The following SATB2 variants were observed in gnomAD, a reference collection of about 807,000 sequenced individuals.
SATB2 encodes SATB homeobox 2, also known as DNA-binding protein SATB2.
In SATB2, 1 loss-of-function variant was observed where a neutral mutation model predicts 73.4. The ratio of observed to expected loss-of-function variants is 0.01; its 90% CI spans 0.00 to 0.06. The LOEUF (loss-of-function observed/expected upper bound fraction) is 0.06. SATB2 is among the 10% of genes least tolerant of loss of function. SATB2 has a pLI of 1.00. For missense variants in SATB2, 459 were observed against 945.8 expected (o/e 0.49, Z 6.75); for synonymous variants, 397 against 367.0 (o/e 1.08, Z -0.93).
chr2:199,430,791 A>C (rs1408250634), intron 3 of SATB2, among the ~76,000 whole-genome samples: 1 of 152,204 alleles, frequency 6.6e-6, no homozygotes, highest in African/African-American at 2.4e-5. Flanking sequence ...TTGGGACTTG[A>C]GGACTATTCC....
chr2:199,321,356 G>GATAT (rs1436851283), intron 9 of SATB2, among the ~76,000 whole-genome samples: 155 of 148,762 alleles, frequency 1.0e-3, no homozygotes, highest in African/African-American at 3.3e-3. Flanking sequence ...TCTATGTATA[G>GATAT]ATATATATGT....
At chr2:199,395,905 C>G (rs370843718) in intron 3 of SATB2, 1 of 152,188 alleles carries the variant, frequency 6.6e-6, no homozygotes, top group Non-Finnish European at 1.5e-5. Flanking sequence ...AAAAGACTTT[C>G]GTATGTATTT....
chr2:199,352,984 G>A (rs1199129849), intron 6 of SATB2, among the ~76,000 whole-genome samples: 4 of 151,560 alleles, frequency 2.6e-5, no homozygotes, highest in African/African-American at 9.7e-5. Context: ...GCTCCTAACA[G>A]TTCTACCAGT....
chr2:199,288,811 T>C (rs2105738288), intron 10 of SATB2, among the ~76,000 whole-genome samples: 1 of 152,154 alleles, frequency 6.6e-6, no homozygotes, highest in South Asian at 2.1e-4. Context: ...CATATTATAG[T>C]TTATTATACC....
chr2:199,299,557 C>T (rs1004624038), intron 10 of SATB2, among the ~76,000 whole-genome samples: 1 of 151,982 alleles, frequency 6.6e-6, no homozygotes, highest in Non-Finnish European at 1.5e-5. Flanking sequence ...TGCAAGGTAG[C>T]CAGAGGGAAA....
intron 7 of SATB2, among the ~76,000 whole-genome samples, chr2:199,337,113 A>C (rs1226063529): frequency 6.6e-6 from 1 of 152,170 alleles, no homozygotes; most frequent in East Asian, 1.9e-4. Flanking sequence ...TATTCAAGAC[A>C]CTCTAGTTAT....
intron 10 of SATB2, among the ~76,000 whole-genome samples, chr2:199,306,296 T>C (rs1687430443): frequency 6.6e-6 from 1 of 152,180 alleles, no homozygotes; most frequent in Admixed American, 6.6e-5. Flanking sequence ...CAGCTTTGTA[T>C]TTTGCTGACA....
chr2:199,276,499 C>G (rs1692316341), intron 10 of SATB2, among the ~76,000 whole-genome samples: 1 of 152,102 alleles, frequency 6.6e-6, no homozygotes, highest in African/African-American at 2.4e-5. Context: ...ATGGAGAGAC[C>G]TATAAGCGGT....
At chr2:199,410,894 TATAAAA>T (rs1229927417) in intron 3 of SATB2, among the ~76,000 whole-genome samples, 26 of 152,204 alleles carry the variant, frequency 1.7e-4, no homozygotes, top group African/African-American at 3.9e-4. Context: ...CCTTTGTAAA[TATAAAA>T]ATAAAGTTTT....
intron 10 of SATB2, among the ~76,000 whole-genome samples, chr2:199,304,651 C>T (rs1341189068): frequency 6.6e-6 from 1 of 152,172 alleles, no homozygotes; most frequent in African/African-American, 2.4e-5. Context: ...TGGGGCAATG[C>T]TGGTCCAACT....
intron 3 of SATB2, among the ~76,000 whole-genome samples, chr2:199,407,921 A>C (rs1690684237): frequency 6.6e-6 from 1 of 152,218 alleles, no homozygotes; most frequent in Non-Finnish European, 1.5e-5. Context: ...ATTTTCACTC[A>C]AAGTTCAAAA....
chr2:199,329,256 C>T, intron 7 of SATB2: 1 of 302,292 alleles, frequency 3.3e-6, no homozygotes, highest in South Asian at 3.9e-5. Context: ...AGAACTCTCT[C>T]TGCTTGAAAC....
intron 10 of SATB2, among the ~76,000 whole-genome samples, chr2:199,277,195 G>A (rs1692341369): frequency 6.6e-6 from 1 of 152,194 alleles, no homozygotes. Context: ...CTGAGTGGAA[G>A]CGGGTGGAAG....
chr2:199,350,344 TAA>T (rs35456542), intron 6 of SATB2, among the ~76,000 whole-genome samples: 3 of 137,870 alleles, frequency 2.2e-5, no homozygotes, highest in Admixed American at 1.5e-4. Context: ...CATGGTTTTA[TAA>T]AAAAAAAAAA....
chr2:199,363,764 T>C (rs1689205485), intron 6 of SATB2, among the ~76,000 whole-genome samples: 1 of 152,194 alleles, frequency 6.6e-6, no homozygotes, highest in Admixed American at 6.5e-5. Context: ...CTATAATTTG[T>C]CAGTATAAAA....
rs1421049403 is a variant in SATB2, at chr2:199,271,404, G to A, written c.*807C>T. ...GTCATTTTATTGAGTCATTTTAAGTGTGCATTGTGTCTTTAAGATTTATTT... is the reference window on the plus strand; with the variant it reads ...GTCATTTTATTGAGTCATTTTAAGTATGCATTGTGTCTTTAAGATTTATTT... On this transcript the variant is annotated 3_prime_UTR_variant, in exon 11 of 11. Coordinates refer to ENST00000417098, the MANE Select transcript of SATB2 (RefSeq NM_001172509.2). The A allele has an allele frequency of 6.6e-6, 1 of 151,832 alleles. No homozygotes were observed. Among genetic ancestry groups the A allele is most frequent in the Admixed American group, 6.6e-5 (1 of 15,198 alleles). 9.4% of individuals were successfully genotyped at this position (151,832 alleles called of 1,614,324 possible). A position where few individuals can be genotyped will look rare whatever the true frequency, so the allele number is the denominator to read the frequency against.
chr2:199,306,080 G>A (rs866751250), intron 10 of SATB2, among the ~76,000 whole-genome samples: 7 of 152,066 alleles, frequency 4.6e-5, no homozygotes, highest in Non-Finnish European at 8.8e-5. Flanking sequence ...TAAAAATTTA[G>A]TTGATATGAA....
chr2:199,458,811 T>A (rs1375777950), upstream of SATB2: 4 of 332,036 alleles, frequency 1.2e-5, no homozygotes, highest in Non-Finnish European at 2.4e-5. Flanking sequence ...CTTTTCCCGG[T>A]GCCTGCGAGC....
chr2:199,431,789 G>A (rs994419524), intron 3 of SATB2, among the ~76,000 whole-genome samples: 1 of 152,130 alleles, frequency 6.6e-6, no homozygotes, highest in Admixed American at 6.5e-5. Context: ...CTCGCGACGC[G>A]CTGAACGGCT....
Sources: allele counts gnomAD v4.1 joint callset (sites outside exome capture counted in the v4.1 genomes callset), GRCh38; gene constraint gnomAD v4.1.1; transcripts MANE v1.5; gene names NCBI Gene and HGNC (gene_info 2026-07-23, HGNC 2026-07-21).